The following MAGEL2 variants were observed in gnomAD, a reference collection of about 807,000 sequenced individuals.
MAGEL2 encodes MAGE-like protein 2.
For synonymous variants in MAGEL2, 792 were observed against 721.7 expected, an observed-to-expected ratio of 1.10 and a Z score of -1.56; for missense variants, 1,830 against 1,699.2, an observed-to-expected ratio of 1.08 and a Z score of -1.35.
rs1206603328 is a variant in MAGEL2, at chr15:23,645,638, G to T, written c.2105C>A (p.Ala702Glu). Residue 702 changes from alanine to glutamate, a missense_variant, in exon 1 of 1, where the codon GCA (alanine) becomes GAA (glutamate). Transcript: ENST00000650528. ...VLQAQPGPPVAAANFPLGSAK... is the reference protein window; with the variant it reads ...VLQAQPGPPVEAANFPLGSAK... ...GGAGCCCAGGGGAAAATTTGCCGCT[G>T]CTACCGGGGGTCCGGGCTGGGCCTG... 4 of 1,586,930 alleles carry T rather than the reference G, an allele frequency of 2.5e-6. No homozygotes were observed. Among genetic ancestry groups the T allele is most frequent in the Non-Finnish European group, 3.4e-6 (4 of 1,167,780 alleles).
Position 23,646,086 on chromosome 15 carries a change from C to T in MAGEL2, c.1657G>A (p.Ala553Thr), listed in dbSNP as rs1263025808. 2.1e-6 allele frequency: 3 copies of T among 1,459,164 alleles called. No individual in the cohort carries two copies. Among genetic ancestry groups the T allele is most frequent in the South Asian group, 1.4e-5 (1 of 71,676 alleles). The allele number at this position is 1,459,164 out of a possible 1,614,324, so 90.4% of individuals were successfully genotyped here. A position where few individuals can be genotyped will look rare whatever the true frequency, so the allele number is the denominator to read the frequency against. Residue 553 changes from alanine (A) to threonine (T), a missense_variant, in exon 1 of 1, where the codon GCG (alanine) becomes ACG (threonine). Physicochemically the swap from Ala to Thr is moderately conservative, Grantham distance 58. Coordinates refer to ENST00000650528, the MANE Select transcript of MAGEL2 (RefSeq NM_019066.5). This position sits in a 1 kb window ranked among gnomAD's most constrained non-coding sequence, Gnocchi z 4.2. ...ACCTGCGGGCCAGCGGGCGGCGCCG[C>T]GGGTACCTGCGTAGCAGGTGGGGCC... ...PTAPPATQVPAAPPAGPQVPQ... is the reference protein window; with the variant it reads ...PTAPPATQVPTAPPAGPQVPQ...
chr15:23,646,780 T>G lies in MAGEL2; in HGVS notation c.963A>C (p.Pro321=), dbSNP rs1595333449. Residue 321 remains proline, a synonymous_variant, in exon 1 of 1, where the codon CCA becomes CCC. Transcript: ENST00000650528. The surrounding 1 kb of genome is among the most constrained non-coding windows in gnomAD (Gnocchi z 4.2). The part of the protein sequence containing the change: ...PAAPPAQPMA[P]PAQPMASWAP... ...CCCAAGAAGCCATCGGCTGTGCAGG[T>G]GGGGCCATCGGCTGTGCAGGTGGGG... 6.5e-7 allele frequency: 1 copy of G among 1,533,544 alleles called. No homozygotes were observed. The highest frequency in any genetic ancestry group is 8.7e-7 in the Non-Finnish European group (1 of 1,146,290). The allele number at this position is 1,533,544 out of a possible 1,614,324, so 95.0% of individuals were successfully genotyped here.
chr15:23,644,923 G>A lies in MAGEL2; in HGVS notation c.2820C>T (p.Pro940=), dbSNP rs1208895368. 3 of 1,613,344 alleles carry A rather than the reference G, an allele frequency of 1.9e-6. No individual in the cohort carries two copies. Among genetic ancestry groups the A allele is most frequent in the Admixed American group, 3.3e-5 (2 of 60,018 alleles). ...GGCCCTCCCAACCACTCAGGCCACG[G>A]GGGGTGTTTGGGTGCTCCCAGTCAC... ...VSGDWEHPNT[P]RGLSGWEGPS... Residue 940 remains proline, a synonymous_variant, in exon 1 of 1, where the codon CCC becomes CCT. Transcript: ENST00000650528.
chr15:23,645,469 A>C lies in MAGEL2; in HGVS notation c.2274T>G (p.Ala758=). ...CTCGCGCAGCTGACACTGCCTTGGGAGCACAGAAGGTGGCAGCAAAGATCA... is the reference window on the plus strand; with the variant it reads ...CTCGCGCAGCTGACACTGCCTTGGGCGCACAGAAGGTGGCAGCAAAGATCA... The part of the protein sequence containing the change: ...DRMIFAATFC[A]PKAVSAARAH... The change falls in exon 1 of 1, where the codon GCT becomes GCG. Residue 758 remains alanine (A), a synonymous_variant. Coordinates refer to ENST00000650528, the MANE Select transcript of MAGEL2 (RefSeq NM_019066.5). 6.2e-7 allele frequency: 1 copy of C among 1,613,936 alleles called. No individual in the cohort carries two copies. The highest frequency in any genetic ancestry group is 1.1e-5 in the South Asian group (1 of 91,090).
rs9785 is a variant in MAGEL2 at position 23,643,886 on chromosome 15, G to T, written c.*107C>A. 0.59 allele frequency: 749,914 copies of T among 1,276,374 alleles called. 225,592 individuals carry two copies. The highest frequency in any genetic ancestry group is 0.84 in the African/African-American group (56,726 of 67,160). The allele number at this position is 1,276,374 out of a possible 1,614,324, so 79.1% of individuals were successfully genotyped here. On this transcript the variant is annotated 3_prime_UTR_variant, in exon 1 of 1. Coordinates refer to ENST00000650528, the MANE Select transcript of MAGEL2 (RefSeq NM_019066.5). ...ACGAAACCAAGTTGAAAATCCAAAC[G>T]TACACTCGTGGAACTGGAACACAAA...
Position 23,644,610 on chromosome 15 carries a change from C to T in MAGEL2, c.3133G>A (p.Glu1045Lys). The change falls in exon 1 of 1, where the codon GAG (glutamate) becomes AAG (lysine). Residue 1045 changes from glutamate (E) to lysine (K), a missense_variant. Physicochemically the swap from Glu to Lys is moderately conservative, Grantham distance 56. Transcript: ENST00000650528. Reference protein sequence around the residue: ...DQAKVPVQRSEMVKVILREYK... With the variant: ...DQAKVPVQRSKMVKVILREYK... ...TCTCGGAGGATGACTTTCACCATCT[C>T]CGAGCGCTGGACAGGCACCTTGGCT... The T allele has an allele frequency of 1.9e-6, 3 of 1,613,926 alleles. No individual in the cohort carries two copies. Among genetic ancestry groups the T allele is most frequent in the Non-Finnish European group, 2.5e-6 (3 of 1,179,872 alleles).
chr15:23,646,473 G>A lies in MAGEL2; in HGVS notation c.1270C>T (p.Arg424Cys), dbSNP rs1265603168. ...PPIRPGPPPIRPGPPPVRQAP... is the reference protein window; with the variant it reads ...PPIRPGPPPICPGPPPVRQAP... ...TGTCGCACCGGTGGTGGGCCAGGGC[G>A]GATGGGTGGTGGGCCAGGGCGGATG... Residue 424 changes from arginine to cysteine, a missense_variant, in exon 1 of 1, where the codon CGC (arginine) becomes TGC (cysteine). Arg to Cys is a radical substitution (Grantham distance 180, BLOSUM62 -3). Coordinates refer to ENST00000650528, the MANE Select transcript of MAGEL2 (RefSeq NM_019066.5). The surrounding 1 kb of genome is among the most constrained non-coding windows in gnomAD (Gnocchi z 4.2). The A allele has an allele frequency of 2.1e-6, 3 of 1,439,720 alleles. No individual in the cohort carries two copies. The highest frequency in any genetic ancestry group is 2.5e-4 in the Middle Eastern group (1 of 4,046). The allele number at this position is 1,439,720 out of a possible 1,614,324, so 89.2% of individuals were successfully genotyped here.
At position 23,646,016 on chromosome 15, in the gene MAGEL2, G is replaced by A. The variant is rs370225600; in HGVS notation, c.1727C>T (p.Ala576Val). Residue 576 changes from alanine (A) to valine (V), a missense_variant, in exon 1 of 1, where the codon GCC (alanine) becomes GTC (valine). Ala to Val is a moderately conservative substitution (Grantham distance 64). Transcript: ENST00000650528. This position sits in a 1 kb window ranked among gnomAD's most constrained non-coding sequence, Gnocchi z 4.2. Reference protein sequence around the residue: ...LPAPLSAPLSAPQAVHCPSII... With the variant: ...LPAPLSAPLSVPQAVHCPSII... ...GGAAGGGCAGTGCACAGCCTGCGGG[G>A]CAGACAGTGGGGCAGACAGCGGGGC... 1 of 1,549,298 alleles carries A rather than the reference G, an allele frequency of 6.5e-7. No homozygotes were observed. The highest frequency in any genetic ancestry group is 8.7e-7 in the Non-Finnish European group (1 of 1,146,944).
chr15:23,644,329 C>T lies in MAGEL2; in HGVS notation c.3414G>A (p.Lys1138=), dbSNP rs1293959344. 5 of 1,613,788 alleles carry T rather than the reference C, an allele frequency of 3.1e-6. No individual in the cohort carries two copies. The highest frequency in any genetic ancestry group is 3.4e-6 in the Non-Finnish European group (4 of 1,179,880). The change falls in exon 1 of 1, where the codon AAG becomes AAA. Residue 1138 remains lysine, a synonymous_variant. Transcript: ENST00000650528. ...REDLIFNFLF[K]LGLDVRETNG... is the part of the protein sequence containing the mutation. ...TTGTCTCCCGGACATCCAACCCTAA[C>T]TTGAACAGAAAATTAAAGATCAGAT...
rs1171080018 is a variant in MAGEL2 at position 23,647,574 on chromosome 15, C to A, written c.169G>T (p.Ala57Ser). The change falls in exon 1 of 1, where the codon GCT becomes TCT. Residue 57 changes from alanine to serine, a missense_variant. By Grantham distance (99) the Ala-to-Ser change is moderately conservative. Coordinates refer to ENST00000650528, the MANE Select transcript of MAGEL2 (RefSeq NM_019066.5). Reference sequence around the variant, plus strand: ...CAGGCAGGCTGAGGTGCCTGCCAAGCGGCCAATGAAGCCTGCAAGTCAATT... The same window carrying A: ...CAGGCAGGCTGAGGTGCCTGCCAAGAGGCCAATGAAGCCTGCAAGTCAATT... ...PPIDLQASLA[A>S]WQAPQPAWEA... The A allele has an allele frequency of 4.6e-6, 7 of 1,535,530 alleles. No homozygotes were observed. Among genetic ancestry groups the A allele is most frequent in the South Asian group, 1.2e-5 (1 of 83,936 alleles).
chr15:23,645,103 G>C lies in MAGEL2; in HGVS notation c.2640C>G (p.Arg880=). ...TCTTCCGGGTGGCCTTGCCGGAGCG[G>C]CGTGGCGGCTCGACGGAGGTCTTGG... ...EASKTSVEPP[R]RSGKATRKKK... is the part of the protein sequence containing the mutation. The change falls in exon 1 of 1, where the codon CGC becomes CGG. Residue 880 remains arginine (R), a synonymous_variant. Coordinates refer to ENST00000650528, the MANE Select transcript of MAGEL2 (RefSeq NM_019066.5). 6.2e-7 allele frequency: 1 copy of C among 1,613,866 alleles called. No individual in the cohort carries two copies. Among genetic ancestry groups the C allele is most frequent in the East Asian group, 2.2e-5 (1 of 44,876 alleles).
Position 23,645,578 on chromosome 15 carries a change from C to G in MAGEL2, c.2165G>C (p.Arg722Thr). Residue 722 changes from arginine to threonine, a missense_variant, in exon 1 of 1, where the codon AGG becomes ACG. Transcript: ENST00000650528. ...KSLMTPSGECRASSIDRRGSS... is the reference protein window; with the variant it reads ...KSLMTPSGECTASSIDRRGSS... The stretch of plus-strand genomic sequence containing the variant: ...GCCCCTGCGGTCTATAGAAGAGGCC[C>G]TGCATTCTCCTGATGGAGTCATCAA... The G allele has an allele frequency of 6.2e-7, 1 of 1,608,406 alleles. No homozygotes were observed. The highest frequency in any genetic ancestry group is 8.5e-7 in the Non-Finnish European group (1 of 1,177,548).
chr15:23,644,675 C>T lies in MAGEL2; in HGVS notation c.3068G>A (p.Arg1023Lys), dbSNP rs747500040. ...GAGGAACTGCACCAACGCATTTGCC[C>T]TCTCATCCAAGGGAGACAAGGGCTG... ...EAQPLSPLDE[R>K]ANALVQFLLV... is the part of the protein sequence containing the mutation. The change falls in exon 1 of 1, where the codon AGG becomes AAG. Residue 1023 changes from arginine to lysine, a missense_variant. Physicochemically the swap from Arg to Lys is conservative, Grantham distance 26. Transcript: ENST00000650528. The T allele has an allele frequency of 1.9e-6, 3 of 1,613,914 alleles. No homozygotes were observed. The highest frequency in any genetic ancestry group is 2.5e-6 in the Non-Finnish European group (3 of 1,179,888).
rs1480998706 is a variant in MAGEL2, at chr15:23,646,082, G to A, written c.1661C>T (p.Ala554Val). 1 of 1,468,712 alleles carries A rather than the reference G, an allele frequency of 6.8e-7. No individual in the cohort carries two copies. The highest frequency in any genetic ancestry group is 9.0e-7 in the Non-Finnish European group (1 of 1,115,926). 91.0% of individuals were successfully genotyped at this position (1,468,712 alleles called of 1,614,324 possible). A position where few individuals can be genotyped will look rare whatever the true frequency, so the allele number is the denominator to read the frequency against. The stretch of plus-strand genomic sequence containing the variant: ...GGGCACCTGCGGGCCAGCGGGCGGC[G>A]CCGCGGGTACCTGCGTAGCAGGTGG... ...TAPPATQVPA[A>V]PPAGPQVPQP... Residue 554 changes from alanine (A) to valine (V), a missense_variant, in exon 1 of 1, where the codon GCG becomes GTG. Physicochemically the swap from Ala to Val is moderately conservative, Grantham distance 64. Transcript: ENST00000650528. This position sits in a 1 kb window ranked among gnomAD's most constrained non-coding sequence, Gnocchi z 4.2.
rs777630733 is a variant in MAGEL2, at chr15:23,645,780, A to G, written c.1963T>C (p.Ser655Pro). 22 of 1,583,826 alleles carry G rather than the reference A, an allele frequency of 1.4e-5. No individual in the cohort carries two copies. The highest frequency in any genetic ancestry group is 1.7e-4 in the Middle Eastern group (1 of 5,938). ...LEQPFQGAPP[S>P]QKAVQIQLPP... ...AGCTGGATTTGCACGGCTTTTTGGG[A>G]GGGCGGGGCTCCCTGAAAGGGCTGC... is the stretch of plus-strand genomic sequence containing the variant. The change falls in exon 1 of 1, where the codon TCC (serine) becomes CCC (proline). Residue 655 changes from serine to proline, a missense_variant. Coordinates refer to ENST00000650528, the MANE Select transcript of MAGEL2 (RefSeq NM_019066.5).
At position 23,647,198 on chromosome 15, in the gene MAGEL2, G is replaced by T. The variant is rs1344337083; in HGVS notation, c.545C>A (p.Pro182His). Residue 182 changes from proline (P) to histidine (H), a missense_variant, in exon 1 of 1, where the codon CCT becomes CAT. By Grantham distance (77) the Pro-to-His change is moderately conservative (BLOSUM62 -2). Coordinates refer to ENST00000650528, the MANE Select transcript of MAGEL2 (RefSeq NM_019066.5). ...AGCCATCGGGGTCCCCGGAGGAGGA[G>T]GATGCACCATCGGGGTCCCCGGAGG... ...PPPPGTPMVH[P>H]PPPGTPMAHP... The T allele has an allele frequency of 6.6e-7, 1 of 1,523,254 alleles. No homozygotes were observed. The allele number at this position is 1,523,254 out of a possible 1,614,324, so 94.4% of individuals were successfully genotyped here. A position where few individuals can be genotyped will look rare whatever the true frequency, so the allele number is the denominator to read the frequency against.
Position 23,644,003 on chromosome 15 carries a change from G to C in MAGEL2, c.3740C>G (p.Pro1247Arg). ...TCTCTGCTACACCTATTAGCGGGGA[G>C]GGGGCCTGCTGGTGGGGCCGTGGGC... ...DSAHGPTSRP[P>R]PR is the part of the protein sequence containing the mutation. Residue 1247 changes from proline to arginine, a missense_variant, in exon 1 of 1, where the codon CCT becomes CGT. Transcript: ENST00000650528. 2 of 1,595,874 alleles carry C rather than the reference G, an allele frequency of 1.3e-6. No individual in the cohort carries two copies. Among genetic ancestry groups the C allele is most frequent in the African/African-American group, 2.7e-5 (2 of 74,596 alleles).
rs1162891024 is a variant in MAGEL2, at chr15:23,646,322, T to C, written c.1421A>G (p.Gln474Arg). ...AGCCTGGCGGATCACAGGTGGGGCCTGGCGGATCACAGGTGGGGCCTGGCG... is the reference window on the plus strand; with the variant it reads ...AGCCTGGCGGATCACAGGTGGGGCCCGGCGGATCACAGGTGGGGCCTGGCG... The part of the protein sequence containing the change: ...VIRQAPPVIR[Q>R]APPVIRQAPP... The change falls in exon 1 of 1, where the codon CAG becomes CGG. Residue 474 changes from glutamine (Q) to arginine (R), a missense_variant. By Grantham distance (43) the Gln-to-Arg change is conservative. Coordinates refer to ENST00000650528, the MANE Select transcript of MAGEL2 (RefSeq NM_019066.5). This position sits in a 1 kb window ranked among gnomAD's most constrained non-coding sequence, Gnocchi z 4.2. The C allele has an allele frequency of 1.5e-6, 2 of 1,359,264 alleles. No homozygotes were observed. The highest frequency in any genetic ancestry group is 1.9e-6 in the Non-Finnish European group (2 of 1,068,168). The allele number at this position is 1,359,264 out of a possible 1,614,324, so 84.2% of individuals were successfully genotyped here. A position where few individuals can be genotyped will look rare whatever the true frequency, so the allele number is the denominator to read the frequency against.
At position 23,647,004 on chromosome 15, in the gene MAGEL2, C is replaced by T; in HGVS notation, c.739G>A (p.Val247Ile). 1 of 1,536,866 alleles carries T rather than the reference C, an allele frequency of 6.5e-7. No individual in the cohort carries two copies. Among genetic ancestry groups the T allele is most frequent in the Non-Finnish European group, 8.7e-7 (1 of 1,146,820 alleles). The change falls in exon 1 of 1, where the codon GTC becomes ATC. Residue 247 changes from valine to isoleucine, a missense_variant. Transcript: ENST00000650528. ...VLMAQPLTPG[V>I]LMVQPAAPGA... ...GGAGCAGCAGGCTGGACCATCAGGA[C>T]TCCCGGAGTCAGAGGCTGGGCCATC...
Sources: allele counts gnomAD v4.1 joint callset, GRCh38; gene constraint gnomAD v4.1.1; non-coding constraint Gnocchi (gnomAD v3.1); transcripts MANE v1.5; gene names NCBI Gene and HGNC (gene_info 2026-07-23, HGNC 2026-07-21).